Variants in UTRN observed in about 807,000 individuals in gnomAD.
The protein encoded by UTRN is dystrophin-related protein 1.
A neutral mutation model predicts 463.9 loss-of-function variants in UTRN; 283 were observed. The observed-to-expected ratio is 0.61, with a 90% confidence interval of 0.55 to 0.67. UTRN has a LOEUF of 0.67. Ranked by LOEUF, UTRN falls within the 30% of genes least tolerant of loss-of-function variation. The pLI is 0.00. For synonymous variants in UTRN, 1,442 were observed against 1,431.5 expected, an observed-to-expected ratio of 1.01 and a Z score of -0.17; for missense variants, 3,922 against 4,084.3, an observed-to-expected ratio of 0.96 and a Z score of 1.08.
At chr6:144,460,991 C>G (rs1026013472) in intron 21 of UTRN, among the ~76,000 whole-genome samples, 1 of 152,140 alleles carries the variant, frequency 6.6e-6, no homozygotes, top group African/African-American at 2.4e-5. Flanking sequence ...ATATTTCAAA[C>G]GTCAACATCC....
intron 51 of UTRN, among the ~76,000 whole-genome samples, chr6:144,665,491 T>C (rs1227481019): frequency 1.1e-4 from 16 of 152,230 alleles, no homozygotes; most frequent in Non-Finnish European, 1.5e-5. Context: ...AGTTATTTGA[T>C]ATACATTATA....
In UTRN at chr6:144,851,473, GT is replaced by G. The variant is rs1782478648; in HGVS notation, c.*478del. On this transcript the variant is annotated 3_prime_UTR_variant, in exon 75 of 75. Coordinates refer to ENST00000367545, the MANE Select transcript of UTRN (RefSeq NM_007124.3). ...TTGACTCTTTTACCACAATGTTTTG[GT>G]TATTTATAATTTATCAGCCATATGT... is the stretch of plus-strand genomic sequence containing the variant. The G allele has an allele frequency of 4.5e-5, 7 of 155,848 alleles. No homozygotes were observed. Among genetic ancestry groups the G allele is most frequent in the Admixed American group, 3.8e-4 (6 of 15,974 alleles). 9.7% of individuals were successfully genotyped at this position (155,848 alleles called of 1,614,324 possible).
At chr6:144,542,116 C>A (rs1048185312) in intron 45 of UTRN, among the ~76,000 whole-genome samples, 1 of 152,038 alleles carries the variant, frequency 6.6e-6, no homozygotes, top group African/African-American at 2.4e-5. Context: ...AGAGGAAAGT[C>A]ATGTTTTTGA....
rs371974568 is a variant in UTRN at position 144,821,046 on chromosome 6, G to A, written c.9494+28G>A. The A allele has an allele frequency of 2.8e-5, 45 of 1,607,942 alleles. No individual in the cohort carries two copies. In the African/African-American group the frequency reaches 4.0e-4, roughly 14 times the overall value. On this transcript the variant is annotated intron_variant, in intron 66 of 74. Transcript: ENST00000367545. ...AAGTTTGATTTTAATATTAAATCTA[G>A]TGTGAACATTTATATCTGATGTTGT...
At chr6:144,725,220 C>A (rs1484168868) in intron 53 of UTRN, among the ~76,000 whole-genome samples, 1 of 152,242 alleles carries the variant, frequency 6.6e-6, no homozygotes, top group Non-Finnish European at 1.5e-5. Context: ...CCAGCACATG[C>A]TGTCTTGCCT....
In UTRN at chr6:144,488,786, A is replaced by T. The variant is rs1346294657; in HGVS notation, c.4086A>T (p.Thr1362=). 1 of 1,609,986 alleles carries T rather than the reference A, an allele frequency of 6.2e-7. No homozygotes were observed. Among genetic ancestry groups the T allele is most frequent in the Non-Finnish European group, 8.5e-7 (1 of 1,177,658 alleles). Residue 1362 remains threonine (T), a synonymous_variant, in exon 30 of 75, where the codon ACA becomes ACT. Coordinates refer to ENST00000367545, the MANE Select transcript of UTRN (RefSeq NM_007124.3). ...GGGAGCTGGACAAACAGCTCACCAC[A>T]TACCTGACTGACAGGATAGATGCTT... ...SLGELDKQLT[T]YLTDRIDAFQ... is the part of the protein sequence containing the mutation.
At chr6:144,580,273 G>A (rs1273569079) in intron 51 of UTRN, among the ~76,000 whole-genome samples, 1 of 151,972 alleles carries the variant, frequency 6.6e-6, no homozygotes, top group Non-Finnish European at 1.5e-5. Context: ...TAAGGAAGAT[G>A]GAATAAGGAG....
chr6:144,378,172 T>C (rs772424057), intron 2 of UTRN, among the ~76,000 whole-genome samples: 6 of 152,246 alleles, frequency 3.9e-5, no homozygotes, highest in Non-Finnish European at 8.8e-5. Context: ...ATGATGATGG[T>C]CTTGCAATTT....
intron 51 of UTRN, among the ~76,000 whole-genome samples, chr6:144,633,851 A>G (rs1050063144): frequency 6.6e-6 from 1 of 152,232 alleles, no homozygotes; most frequent in Non-Finnish European, 1.5e-5. Context: ...AAAAAATAAT[A>G]TTTTGCAATT....
intron 51 of UTRN, among the ~76,000 whole-genome samples, chr6:144,652,703 A>G (rs545716222): frequency 6.6e-6 from 1 of 152,356 alleles, no homozygotes; most frequent in South Asian, 2.1e-4. Context: ...CTGTTTAGAC[A>G]CAAAGTTGTC....
chr6:144,723,730 A>G (rs1203770547), intron 53 of UTRN, among the ~76,000 whole-genome samples: 2 of 152,168 alleles, frequency 1.3e-5, no homozygotes, highest in East Asian at 1.9e-4. Context: ...GGCTGGGTGC[A>G]GTGGCTTACA....
intron 65 of UTRN, among the ~76,000 whole-genome samples, chr6:144,815,860 G>A (rs1049481320): frequency 6.6e-6 from 1 of 152,194 alleles, no homozygotes; most frequent in Non-Finnish European, 1.5e-5. Flanking sequence ...ATCCAATCAA[G>A]TTGACAGTAT....
In UTRN at chr6:144,751,893, C is replaced by G; in HGVS notation, c.8296C>G (p.Pro2766Ala). ...TCAGCTGTCTCCACTTGACCTGCAT[C>G]CCTCTCTAAAGATGTCTCGCCAGCT... Reference protein sequence around the residue: ...SSQLSPLDLHPSLKMSRQLDD... With the variant: ...SSQLSPLDLHASLKMSRQLDD... The change falls in exon 56 of 75, where the codon CCC (proline) becomes GCC (alanine). Residue 2766 changes from proline (P) to alanine (A), a missense_variant. By Grantham distance (27) the Pro-to-Ala change is conservative (BLOSUM62 -1). Coordinates refer to ENST00000367545, the MANE Select transcript of UTRN (RefSeq NM_007124.3). 6.2e-7 allele frequency: 1 copy of G among 1,612,332 alleles called. No individual in the cohort carries two copies. The highest frequency in any genetic ancestry group is 8.5e-7 in the Non-Finnish European group (1 of 1,179,162).
intron 65 of UTRN, among the ~76,000 whole-genome samples, chr6:144,814,902 G>T (rs957033866): frequency 1.3e-5 from 2 of 152,162 alleles, no homozygotes; most frequent in Non-Finnish European, 2.9e-5. Flanking sequence ...AGTTAAATCA[G>T]AAATTTGAAT....
intron 65 of UTRN, among the ~76,000 whole-genome samples, chr6:144,818,590 A>G (rs1409374611): frequency 6.6e-6 from 1 of 152,212 alleles, no homozygotes; most frequent in Non-Finnish European, 1.5e-5. Flanking sequence ...ATTGCTTATT[A>G]AGTATTTCTC....
rs150315002 is a variant in UTRN, at chr6:144,751,895, C to T, written c.8298C>T (p.Pro2766=). 6.2e-7 allele frequency: 1 copy of T among 1,612,408 alleles called. No homozygotes were observed. The highest frequency in any genetic ancestry group is 8.5e-7 in the Non-Finnish European group (1 of 1,179,214). Residue 2766 remains proline, a synonymous_variant, in exon 56 of 75, where the codon CCC becomes CCT. Transcript: ENST00000367545. ...AGCTGTCTCCACTTGACCTGCATCC[C>T]TCTCTAAAGATGTCTCGCCAGCTAG... is the stretch of plus-strand genomic sequence containing the variant. ...SSQLSPLDLH[P]SLKMSRQLDD...
chr6:144,470,134 CCTT>C (rs1160472889), intron 23 of UTRN, among the ~76,000 whole-genome samples: 2 of 152,244 alleles, frequency 1.3e-5, no homozygotes, highest in Non-Finnish European at 2.9e-5. Context: ...TCCGATCTCT[CCTT>C]CTTTTCCCCA....
At chr6:144,492,752 G>A (rs892069579) in intron 32 of UTRN, among the ~76,000 whole-genome samples, 6 of 152,094 alleles carry the variant, frequency 3.9e-5, no homozygotes, top group African/African-American at 1.2e-4. Context: ...GTTTTGATTT[G>A]CATCAGAAAT....
intron 62 of UTRN, among the ~76,000 whole-genome samples, chr6:144,793,068 G>T (rs1014071208): frequency 1.7e-4 from 26 of 152,048 alleles, no homozygotes; most frequent in Non-Finnish European, 3.4e-4. Context: ...TAAGGAATGG[G>T]AGACTGGCCC....
Sources: allele counts gnomAD v4.1 joint callset (sites outside exome capture counted in the v4.1 genomes callset), GRCh38; gene constraint gnomAD v4.1.1; transcripts MANE v1.5; gene names NCBI Gene and HGNC (gene_info 2026-07-23, HGNC 2026-07-21).